CLASRP: variants seen among roughly 807,000 people sequenced by gnomAD.
The protein encoded by CLASRP is CLK4 associating serine/arginine rich protein.
CLASRP carries 52 observed loss-of-function variants against 99.9 expected under a neutral mutation model. The ratio of observed to expected loss-of-function variants is 0.52; its 90% CI spans 0.42 to 0.66. The LOEUF is 0.66. CLASRP is among the 30% of genes least tolerant of loss of function. The pLI, the probability that CLASRP is intolerant of heterozygous loss-of-function variation, is 0.00. For synonymous variants in CLASRP, 379 were observed against 373.0 expected (o/e 1.02, Z -0.18); for missense variants, 848 against 999.2 (o/e 0.85, Z 2.04).
intron 5 of CLASRP, among the ~76,000 whole-genome samples, chr19:45,055,391 G>A (rs1972102270): frequency 6.6e-6 from 1 of 152,228 alleles, no homozygotes; most frequent in South Asian, 2.1e-4. Flanking sequence ...AGCAGGGAGA[G>A]CGAGGGCGCT....
At chr19:45,045,132 G>A (rs550926118) in intron 2 of CLASRP, among the ~76,000 whole-genome samples, 1 of 152,304 alleles carries the variant, frequency 6.6e-6, no homozygotes, top group African/African-American at 2.4e-5. Context: ...TTGCATCGAG[G>A]TCTAAGAGGC....
At chr19:45,070,625 G>C in intron 20 of CLASRP, 64 bp downstream of exon 20, 2 of 1,496,092 alleles carry the variant, frequency 1.3e-6, no homozygotes, top group Non-Finnish European at 1.9e-6. Flanking sequence ...GGGAGGTCCT[G>C]GCTGTCATTC....
At chr19:45,048,389 A>G (rs189005233) in intron 2 of CLASRP, among the ~76,000 whole-genome samples, 5 of 150,850 alleles carry the variant, frequency 3.3e-5, no homozygotes, top group African/African-American at 9.7e-5. Flanking sequence ...ACAAAAAATT[A>G]GCCAGGCATT....
At chr19:45,070,585 C>T (rs765152530) in intron 20 of CLASRP, 24 bp downstream of exon 20, 6 of 1,607,960 alleles carry the variant, frequency 3.7e-6, no homozygotes, top group Non-Finnish European at 5.1e-6. Context: ...TGACCCTCCA[C>T]TTTCTTGGAA....
chr19:45,067,248 A>G lies in CLASRP; in HGVS notation c.1410-89A>G. On this transcript the variant is annotated intron_variant, in intron 13 of 20. Coordinates refer to ENST00000221455, the MANE Select transcript of CLASRP (RefSeq NM_007056.3). This position sits in a 1 kb window ranked among gnomAD's most constrained non-coding sequence, Gnocchi z 4.9. ...AGCCTGTCACCCTGGGCCTTGCAGG[A>G]AGGAGGACTGTGGATCCGGACCCAG... is the stretch of plus-strand genomic sequence containing the variant. 1 of 1,383,398 alleles carries G rather than the reference A, an allele frequency of 7.2e-7. No individual in the cohort carries two copies. The highest frequency in any genetic ancestry group is 1.5e-5 in the South Asian group (1 of 66,762). The allele number at this position is 1,383,398 out of a possible 1,614,324, so 85.7% of individuals were successfully genotyped here.
At chr19:45,058,151 A>C in intron 7 of CLASRP, 1 of 511,200 alleles carries the variant, frequency 2.0e-6, no homozygotes, top group Non-Finnish European at 3.5e-6. Flanking sequence ...TGTTGGCTCC[A>C]TTCTCCTCCA....
rs1387854972 is a variant in CLASRP, at chr19:45,067,467, C to G, written c.1540C>G (p.His514Asp). The change falls in exon 14 of 21, where the codon CAT (histidine) becomes GAT (aspartate). Residue 514 changes from histidine to aspartate, a missense_variant. Coordinates refer to ENST00000221455, the MANE Select transcript of CLASRP (RefSeq NM_007056.3). This position sits in a 1 kb window ranked among gnomAD's most constrained non-coding sequence, Gnocchi z 4.9. ...RSRSLTRSRS[H>D]SPSPSQSRSR... is the part of the protein sequence containing the mutation. ...TCGCAGCCTGACTCGCAGCCGCAGC[C>G]ATAGCCCCAGCCCCAGCCAGAGCCG... 1 of 1,558,426 alleles carries G rather than the reference C, an allele frequency of 6.4e-7. No homozygotes were observed. The highest frequency in any genetic ancestry group is 2.4e-5 in the East Asian group (1 of 41,904).
At position 45,060,632 on chromosome 19, in the gene CLASRP, G is replaced by T. The variant is rs981528973; in HGVS notation, c.863+5G>T. 1 of 1,589,360 alleles carries T rather than the reference G, an allele frequency of 6.3e-7. No individual in the cohort carries two copies. Among genetic ancestry groups the T allele is most frequent in the Non-Finnish European group, 8.6e-7 (1 of 1,167,826 alleles). On this transcript the variant is annotated splice_donor_5th_base_variant and intron_variant, in intron 10 of 20. Coordinates refer to ENST00000221455, the MANE Select transcript of CLASRP (RefSeq NM_007056.3). The surrounding 1 kb of genome is among the most constrained non-coding windows in gnomAD (Gnocchi z 4.6). ...TCGCAAGATCAGCCCACCCAGGTAGGGCTTCTCCCTGAACCCCCACCCTGC... is the reference window on the plus strand; with the variant it reads ...TCGCAAGATCAGCCCACCCAGGTAGTGCTTCTCCCTGAACCCCCACCCTGC...
rs780184355 is a variant in CLASRP at position 45,060,370 on chromosome 19, T to C, written c.711-19T>C. 2 of 1,612,542 alleles carry C rather than the reference T, an allele frequency of 1.2e-6. No homozygotes were observed. The highest frequency in any genetic ancestry group is 3.3e-5 in the Admixed American group (2 of 59,996). On this transcript the variant is annotated intron_variant, in intron 8 of 20. Transcript: ENST00000221455. This position sits in a 1 kb window ranked among gnomAD's most constrained non-coding sequence, Gnocchi z 4.6. ...TGGCCTGCCCCATCCTCCACCCTAA[T>C]TCTCACCCACCTCTATAGGATGCTC...
At chr19:45,047,806 A>G (rs2122542617) in intron 2 of CLASRP, among the ~76,000 whole-genome samples, 1 of 152,304 alleles carries the variant, frequency 6.6e-6, no homozygotes, top group African/African-American at 2.4e-5. Flanking sequence ...ATTCTTGGCC[A>G]GATGTGGTGG....
In CLASRP at chr19:45,067,581, G is replaced by A. The variant is rs774648740; in HGVS notation, c.1654G>A (p.Glu552Lys). The change falls in exon 14 of 21, where the codon GAG becomes AAG. Residue 552 changes from glutamate to lysine, a missense_variant. By Grantham distance (56) the Glu-to-Lys change is moderately conservative. Around this residue, in one of 8 missense-constraint regions of CLASRP, gnomAD observed 489 missense variants for 434.7 expected, o/e 1.12. Transcript: ENST00000221455. This position sits in a 1 kb window ranked among gnomAD's most constrained non-coding sequence, Gnocchi z 4.9. ...GCCGGCCGCGTCCCCTGCTGTGGGCGAGAAGCTGAAAAAGTGAGCGGGGCG... is the reference window on the plus strand; with the variant it reads ...GCCGGCCGCGTCCCCTGCTGTGGGCAAGAAGCTGAAAAAGTGAGCGGGGCG... ...TRPAASPAVG[E>K]KLKKTEPAAG... 13 of 1,598,294 alleles carry A rather than the reference G, an allele frequency of 8.1e-6. No individual in the cohort carries two copies. Among genetic ancestry groups the A allele is most frequent in the East Asian group, 2.2e-5 (1 of 44,654 alleles).
At chr19:45,062,426 G>C (rs532614680) in intron 11 of CLASRP, among the ~76,000 whole-genome samples, 1 of 152,268 alleles carries the variant, frequency 6.6e-6, no homozygotes, top group African/African-American at 2.4e-5. Context: ...CGCCCAGGCT[G>C]GAGTGCAGTG....
intron 5 of CLASRP, 74 bp from the exon 6 acceptor site, chr19:45,056,376 G>A (rs1245983607): frequency 1.6e-5 from 21 of 1,350,590 alleles, no homozygotes; most frequent in South Asian, 3.5e-5. Flanking sequence ...CTGCCCCACC[G>A]CACCCTTGTG....
At chr19:45,049,564 A>T (rs1971983686) in intron 2 of CLASRP, among the ~76,000 whole-genome samples, 1 of 152,058 alleles carries the variant, frequency 6.6e-6, no homozygotes, top group South Asian at 2.1e-4. Context: ...CTGGTGAGTG[A>T]CTCAGCTCCT....
chr19:45,064,760 C>G, intron 13 of CLASRP, 130 bp downstream of exon 13: 1 of 1,417,016 alleles, frequency 7.1e-7, no homozygotes, highest in Non-Finnish European at 9.2e-7. Context: ...GGGACAGGCA[C>G]AGGCCACTGC....
chr19:45,052,697 G>A, intron 3 of CLASRP, 94 bp from the exon 4 acceptor site: 1 of 889,482 alleles, frequency 1.1e-6, no homozygotes, highest in Non-Finnish European at 1.8e-6. Flanking sequence ...TGAGGGCCAG[G>A]CTTCTAAGCC....
rs763888820 is a variant in CLASRP at position 45,070,492 on chromosome 19, G to T, written c.1958-45G>T. 5.0e-6 allele frequency: 8 copies of T among 1,594,386 alleles called. No individual in the cohort carries two copies. The African/African-American group carries it at 1.1e-4, about 21-fold the overall frequency. On this transcript the variant is annotated intron_variant, in intron 19 of 20. Coordinates refer to ENST00000221455, the MANE Select transcript of CLASRP (RefSeq NM_007056.3). ...CACCCCAGGTCAAGGAAGAGGCCCT[G>T]GCCCTGGATGTTTGCTCGCTCTTCA...
chr19:45,053,465 T>C (rs560516059), intron 5 of CLASRP, among the ~76,000 whole-genome samples: 1 of 152,182 alleles, frequency 6.6e-6, no homozygotes, highest in Admixed American at 6.6e-5. Flanking sequence ...ATAGCAAGAA[T>C]ATGTTTTTAT....
Position 45,040,387 on chromosome 19 carries a change from G to A in CLASRP, c.99+76G>A, listed in dbSNP as rs112155946. 1,824 of 997,320 alleles carry A rather than the reference G, an allele frequency of 1.8e-3. 16 individuals are homozygous for A. In the African/African-American group the frequency reaches 0.025, roughly 14 times the overall value. The allele number at this position is 997,320 out of a possible 1,614,324, so 61.8% of individuals were successfully genotyped here. On this transcript the variant is annotated intron_variant, in intron 2 of 20. Coordinates refer to ENST00000221455, the MANE Select transcript of CLASRP (RefSeq NM_007056.3). ...CAGCTGGTCATCCTGGTAAAATCTG[G>A]GCTTGGAAGTATGTCAAGACAAGAG...
Sources: gnomAD v4.1 joint callset for allele counts (sites outside exome capture counted in the v4.1 genomes callset) on GRCh38, gnomAD v4.1.1 for gene constraint, gnomAD v4.1.1 regional missense constraint, Gnocchi (gnomAD v3.1) non-coding constraint, MANE v1.5 for transcripts, NCBI Gene and HGNC (gene_info 2026-07-23, HGNC 2026-07-21) for gene names.